Variants in SCTR observed in about 807,000 individuals in gnomAD.
SCTR encodes secretin receptor.
A neutral mutation model predicts 60.8 loss-of-function variants in SCTR; 56 were observed. That is an observed-to-expected ratio of 0.92 (90% confidence interval 0.74 to 1.15). SCTR has a LOEUF of 1.15. Among genes scored for constraint, SCTR ranks in the 50% most tolerant of loss-of-function variants. SCTR has a pLI of 0.00. For synonymous variants in SCTR, 202 were observed against 217.0 expected (o/e 0.93, Z 0.61); for missense variants, 562 against 550.4 (o/e 1.02, Z -0.21).
chr2:119,445,387 G>A (rs1682887605), intron 11 of SCTR, among the ~76,000 whole-genome samples: 1 of 152,238 alleles, frequency 6.6e-6, no homozygotes, highest in Middle Eastern at 3.2e-3. Flanking sequence ...GAGTTCTCTG[G>A]AGGTCTGGGG....
In SCTR at chr2:119,473,462, G is replaced by T. The variant is rs367960301; in HGVS notation, c.396C>A (p.Asn132Lys). The change falls in exon 4 of 13, where the codon AAC becomes AAA. Residue 132 changes from asparagine (N) to lysine (K), a missense_variant. Asn to Lys is a moderately conservative substitution (Grantham distance 94). Transcript: ENST00000019103. Reference sequence around the variant, plus strand: ...AGGTTGACAGGCTTACCCGCTTCTCGTTGGAAGAGTCGTTCACATTAACGC... The same window carrying T: ...AGGTTGACAGGCTTACCCGCTTCTCTTTGGAAGAGTCGTTCACATTAACGC... The part of the protein sequence containing the change: ...ACGVNVNDSS[N>K]EKRHSYLLKL... 2 of 1,611,810 alleles carry T rather than the reference G, an allele frequency of 1.2e-6. No homozygotes were observed. The highest frequency in any genetic ancestry group is 1.7e-5 in the Admixed American group (1 of 59,994).
intron 4 of SCTR, among the ~76,000 whole-genome samples, chr2:119,472,836 G>A (rs1303337944): frequency 6.6e-6 from 1 of 152,078 alleles, no homozygotes; most frequent in Admixed American, 6.5e-5. Context: ...TAGATCCAAT[G>A]TTTCACTATG....
At chr2:119,518,683 C>T (rs977224288) in intron 1 of SCTR, among the ~76,000 whole-genome samples, 7 of 152,134 alleles carry the variant, frequency 4.6e-5, no homozygotes, top group African/African-American at 1.4e-4. Flanking sequence ...CAGGTTGTCC[C>T]GAAGCCTGAG....
intron 1 of SCTR, among the ~76,000 whole-genome samples, chr2:119,494,771 G>C (rs73951152): frequency 2.0e-5 from 3 of 152,176 alleles, no homozygotes; most frequent in African/African-American, 4.8e-5. Context: ...TCTGTGGCTT[G>C]TCCACTGCAA....
At chr2:119,457,337 A>T (rs766924644) in intron 7 of SCTR, among the ~76,000 whole-genome samples, 13 of 152,242 alleles carry the variant, frequency 8.5e-5, no homozygotes, top group Non-Finnish European at 1.9e-4. Flanking sequence ...TTACATAGAT[A>T]TAATAATGTA....
Position 119,439,971 on chromosome 2 carries a change from G to C in SCTR, c.*146C>G. On this transcript the variant is annotated 3_prime_UTR_variant, in exon 13 of 13. Transcript: ENST00000019103. Reference sequence around the variant, plus strand: ...GCCCCACAGTGCCTCACATCCCTTCGGAAGAGTCCAAGGCCTGGGGAGGGG... The same window carrying C: ...GCCCCACAGTGCCTCACATCCCTTCCGAAGAGTCCAAGGCCTGGGGAGGGG... 1 of 815,450 alleles carries C rather than the reference G, an allele frequency of 1.2e-6. No homozygotes were observed. The highest frequency in any genetic ancestry group is 1.9e-5 in the South Asian group (1 of 53,938). 50.5% of individuals were successfully genotyped at this position (815,450 alleles called of 1,614,324 possible).
chr2:119,447,958 T>A lies in SCTR; in HGVS notation c.1013+731A>T, dbSNP rs1204420489. ...TACACTGAAGTCCTAGCCCCCAGTA[T>A]CTCAGAATGTGACTGCATTTGGAGA... is the stretch of plus-strand genomic sequence containing the variant. On this transcript the variant is annotated intron_variant, in intron 10 of 12. Transcript: ENST00000019103. Among the ~76,000 whole-genome samples the A allele has an allele frequency of 6.6e-5, 10 of 152,284 alleles. No homozygotes were observed. In the East Asian group the frequency reaches 1.9e-3, roughly 29 times the overall value.
Position 119,440,039 on chromosome 2 carries a change from C to T in SCTR, c.*78G>A. On this transcript the variant is annotated 3_prime_UTR_variant, in exon 13 of 13. Coordinates refer to ENST00000019103, the MANE Select transcript of SCTR (RefSeq NM_002980.3). ...GGACACAGGGTGTCTGCTGGGAAGA[C>T]TGGCTGTCCCACAGCAGTGCCCAGC... The T allele has an allele frequency of 6.9e-7, 1 of 1,457,388 alleles. No individual in the cohort carries two copies. Among genetic ancestry groups the T allele is most frequent in the Non-Finnish European group, 9.4e-7 (1 of 1,064,798 alleles). 90.3% of individuals were successfully genotyped at this position (1,457,388 alleles called of 1,614,324 possible). A position where few individuals can be genotyped will look rare whatever the true frequency, so the allele number is the denominator to read the frequency against.
intron 2 of SCTR, among the ~76,000 whole-genome samples, chr2:119,482,342 A>C (rs369348544): frequency 2.0e-5 from 3 of 152,104 alleles, no homozygotes; most frequent in African/African-American, 7.2e-5. Context: ...CCAGAGAGGA[A>C]CCCAGTCCTG....
At chr2:119,479,772 T>C (rs1291094867) in intron 2 of SCTR, 6 of 152,216 alleles carry the variant, frequency 3.9e-5, no homozygotes, top group Non-Finnish European at 8.8e-5. Context: ...GCTGAACTTA[T>C]TGTGAACGAC....
chr2:119,452,171 A>G (rs906121251), intron 8 of SCTR, 92 bp from the exon 9 acceptor site: 3 of 759,816 alleles, frequency 3.9e-6, no homozygotes, highest in Non-Finnish European at 7.0e-6. Context: ...GGCCCTTGGT[A>G]TGAAGGACCT....
intron 11 of SCTR, among the ~76,000 whole-genome samples, chr2:119,445,875 G>T (rs1420122104): frequency 6.6e-6 from 1 of 152,146 alleles, no homozygotes; most frequent in Non-Finnish European, 1.5e-5. Flanking sequence ...TTTCTGTGTA[G>T]CAACCCAACC....
At chr2:119,441,877 C>T (rs1175030697) in intron 11 of SCTR, among the ~76,000 whole-genome samples, 1 of 152,178 alleles carries the variant, frequency 6.6e-6, no homozygotes, top group Non-Finnish European at 1.5e-5. Flanking sequence ...ACCCAGCCAG[C>T]CGGGATCAGG....
intron 1 of SCTR, among the ~76,000 whole-genome samples, chr2:119,518,242 G>A (rs1366924930): frequency 6.6e-6 from 1 of 152,228 alleles, no homozygotes; most frequent in Non-Finnish European, 1.5e-5. Context: ...GGGAAGGAAA[G>A]GAACAGAGGG....
At chr2:119,442,333 A>G (rs1316417881) in intron 11 of SCTR, among the ~76,000 whole-genome samples, 1 of 152,236 alleles carries the variant, frequency 6.6e-6, no homozygotes, top group Non-Finnish European at 1.5e-5. Context: ...CCAGATCAGC[A>G]GGAAGCAGTG....
intron 3 of SCTR, among the ~76,000 whole-genome samples, chr2:119,477,687 G>C (rs1677394966): frequency 6.6e-6 from 1 of 152,226 alleles, no homozygotes; most frequent in Admixed American, 6.5e-5. Context: ...CCGACCTCAG[G>C]AGATCCGCCC....
chr2:119,503,997 G>A (rs928137931), intron 1 of SCTR, among the ~76,000 whole-genome samples: 17 of 152,164 alleles, frequency 1.1e-4, no homozygotes, highest in East Asian at 1.9e-4. Flanking sequence ...GGAAAGAATC[G>A]GTTTACCTGA....
At chr2:119,510,302 G>GCTTTA (rs1678891232) in intron 1 of SCTR, among the ~76,000 whole-genome samples, 1 of 152,046 alleles carries the variant, frequency 6.6e-6, no homozygotes, top group Non-Finnish European at 1.5e-5. Context: ...GGGGGGAGGG[G>GCTTTA]GTATGCCAAC....
intron 7 of SCTR, among the ~76,000 whole-genome samples, chr2:119,460,624 C>T (rs1367097853): frequency 1.3e-5 from 2 of 152,092 alleles, no homozygotes; most frequent in East Asian, 1.9e-4. Context: ...GAGATTGCTA[C>T]GATGATTAAA....
Sources: allele counts gnomAD v4.1 joint callset (sites outside exome capture counted in the v4.1 genomes callset), GRCh38; gene constraint gnomAD v4.1.1; transcripts MANE v1.5; gene names NCBI Gene and HGNC (gene_info 2026-07-23, HGNC 2026-07-21).